TYRO3: variants seen among roughly 807,000 people sequenced by gnomAD.
The protein encoded by TYRO3 is tyrosine-protein kinase receptor TYRO3.
TYRO3 carries 38 observed loss-of-function variants against 95.2 expected under a neutral mutation model. That is an observed-to-expected ratio of 0.40 (90% CI 0.31 to 0.52). The LOEUF (loss-of-function observed/expected upper bound fraction) is 0.52, where lower values mean the gene tolerates loss of function less well. TYRO3 is among the 20% of genes least tolerant of loss of function. The probability of loss-of-function intolerance (pLI) is 0.56; values close to 1 mark genes in which losing one functional copy is unlikely to be tolerated. For missense variants in TYRO3, 812 were observed against 1,116.4 expected (o/e 0.73, Z 3.89); for synonymous variants, 367 against 432.9 (o/e 0.85, Z 1.89).
At chr15:41,560,117 G>A (rs1262933233) in intron 1 of TYRO3, among the ~76,000 whole-genome samples, 2 of 152,216 alleles carry the variant, frequency 1.3e-5, no homozygotes, top group Non-Finnish European at 2.9e-5. Context: ...AGGGAGCAGG[G>A]AAGAGCCACA....
chr15:41,570,013 C>T lies in TYRO3; in HGVS notation c.1253-14C>T, dbSNP rs763240418. ...TGTCATCCTAGCTCATGCCACTGCA[C>T]CTCCCTCCCACAGGCCAGCAGGGCC... On this transcript the variant is annotated splice_polypyrimidine_tract_variant and intron_variant, in intron 9 of 18. Transcript: ENST00000263798. 2.0e-6 allele frequency: 3 copies of T among 1,497,962 alleles called. No homozygotes were observed. Among genetic ancestry groups the T allele is most frequent in the South Asian group, 1.2e-5 (1 of 81,730 alleles). 92.8% of individuals were successfully genotyped at this position (1,497,962 alleles called of 1,614,324 possible). A position where few individuals can be genotyped will look rare whatever the true frequency, so the allele number is the denominator to read the frequency against.
chr15:41,577,773 G>A (rs1217682950), intron 18 of TYRO3, 113 bp from the exon 19 acceptor site: 61 of 1,125,342 alleles, frequency 5.4e-5, no homozygotes, highest in South Asian at 7.8e-5. Flanking sequence ...GATGCGAGCC[G>A]CTGTGCCCCA....
intron 1 of TYRO3, among the ~76,000 whole-genome samples, chr15:41,559,948 G>T (rs1165253647): frequency 6.6e-6 from 1 of 152,232 alleles, no homozygotes. Context: ...GGAGGGGTTA[G>T]TCTTGTGTTC....
intron 15 of TYRO3, 24 bp from the exon 16 acceptor site, chr15:41,572,978 G>A (rs2055816090): frequency 6.4e-6 from 6 of 938,254 alleles, no homozygotes; most frequent in Non-Finnish European, 8.1e-6. Flanking sequence ...GGTTAAGCCT[G>A]AGCTTGGCCT....
In TYRO3 at chr15:41,578,348, C is replaced by G; in HGVS notation, c.*72C>G. 1 of 1,578,086 alleles carries G rather than the reference C, an allele frequency of 6.3e-7. No individual in the cohort carries two copies. On this transcript the variant is annotated 3_prime_UTR_variant, in exon 19 of 19. Transcript: ENST00000263798. ...ACTGAGCTGGCTGACTAAGCCCCGT[C>G]TGACCCCAGCCCAGACAGCAAGGTG...
chr15:41,568,483 A>T, intron 8 of TYRO3, 121 bp downstream of exon 8: 2 of 1,002,002 alleles, frequency 2.0e-6, no homozygotes, highest in Non-Finnish European at 2.9e-6. Flanking sequence ...AGCCCCAGGG[A>T]ATCCTTTCCT....
chr15:41,570,345 G>A lies in TYRO3; in HGVS notation c.1483+5G>A. 1.0e-6 allele frequency: 1 copy of A among 979,404 alleles called. No individual in the cohort carries two copies. The highest frequency in any genetic ancestry group is 1.5e-6 in the Non-Finnish European group (1 of 649,482). The allele number at this position is 979,404 out of a possible 1,614,324, so 60.7% of individuals were successfully genotyped here. ...CCGAGCGCATCGAGGCCACATGTGA[G>A]TGGTGGGTGATCGTGGGAAGGACAA... On this transcript the variant is annotated splice_donor_5th_base_variant and intron_variant, in intron 11 of 18. Coordinates refer to ENST00000263798, the MANE Select transcript of TYRO3 (RefSeq NM_006293.4).
At chr15:41,570,763 C>G in intron 12 of TYRO3, 64 bp downstream of exon 12, 1 of 1,512,020 alleles carries the variant, frequency 6.6e-7, no homozygotes. Flanking sequence ...TTTGGTTGCC[C>G]CTGTCACTTT....
chr15:41,574,707 C>A (rs942461854), intron 18 of TYRO3: 2 of 455,326 alleles, frequency 4.4e-6, no homozygotes, highest in East Asian at 6.9e-5. Flanking sequence ...CTTCAGACAA[C>A]CTTTTGTGAG....
In TYRO3 at chr15:41,570,137, C is replaced by T. The variant is rs768075649; in HGVS notation, c.1363C>T (p.Arg455Trp). ...GGCCCTCATCCTGCTTCGAAAGAGA[C>T]GGAAAGAGACGCGGTTTGGGTAAGG... ...ALALILLRKRRKETRFGQAFD... is the reference protein window; with the variant it reads ...ALALILLRKRWKETRFGQAFD... Residue 455 changes from arginine to tryptophan, a missense_variant, in exon 10 of 19, where the codon CGG becomes TGG. By Grantham distance (101) the Arg-to-Trp change is moderately radical. Transcript: ENST00000263798. 1.6e-5 allele frequency: 26 copies of T among 1,614,050 alleles called. No homozygotes were observed. The highest frequency in any genetic ancestry group is 3.3e-5 in the Admixed American group (2 of 60,000).
chr15:41,581,711 C>G lies in TYRO3; in HGVS notation c.*3435C>G, dbSNP rs1311883497. On this transcript the variant is annotated 3_prime_UTR_variant, in exon 19 of 19. Coordinates refer to ENST00000263798, the MANE Select transcript of TYRO3 (RefSeq NM_006293.4). ...GGAGTGGTGGCAGGCACCTGTAATC[C>G]CAGCTACTTGGGAGGCTAAGGCAGG... 1 of 151,616 alleles carries G rather than the reference C, an allele frequency of 6.6e-6. No homozygotes were observed. The highest frequency in any genetic ancestry group is 1.5e-5 in the Non-Finnish European group (1 of 68,072). The allele number at this position is 151,616 out of a possible 1,614,324, so 9.4% of individuals were successfully genotyped here.
At chr15:41,569,164 TTAAAC>T in intron 9 of TYRO3, 142 bp downstream of exon 9, 5 of 1,018,742 alleles carry the variant, frequency 4.9e-6, no homozygotes, top group Non-Finnish European at 6.9e-6. Context: ...CCAGGGCTGT[TTAAAC>T]TATCTTGGCT....
rs145105506 is a variant in TYRO3, at chr15:41,567,554, G to C, written c.961+17G>C. On this transcript the variant is annotated intron_variant, in intron 7 of 18. Transcript: ENST00000263798. Reference sequence around the variant, plus strand: ...AGGGTCTAGGTAAGGGATGCATAGAGCAGAGCGGGTGGGCAGGGCTGGAGC... The same window carrying C: ...AGGGTCTAGGTAAGGGATGCATAGACCAGAGCGGGTGGGCAGGGCTGGAGC... The C allele has an allele frequency of 2.9e-4, 418 of 1,460,088 alleles. No homozygotes were observed. Among genetic ancestry groups the C allele is most frequent in the Non-Finnish European group, 3.6e-4 (402 of 1,101,580 alleles). The allele number at this position is 1,460,088 out of a possible 1,614,324, so 90.4% of individuals were successfully genotyped here.
At chr15:41,572,865 G>T in intron 15 of TYRO3, 137 bp from the exon 16 acceptor site, 1 of 774,972 alleles carries the variant, frequency 1.3e-6, no homozygotes, top group Non-Finnish European at 2.1e-6. Context: ...TCCTTGCCTT[G>T]GGAAGGCCCT....
Position 41,562,585 on chromosome 15 carries a change from A to C in TYRO3, c.447A>C (p.Ala149=), listed in dbSNP as rs200043657. 2 of 1,613,348 alleles carry C rather than the reference A, an allele frequency of 1.2e-6. No homozygotes were observed. The highest frequency in any genetic ancestry group is 3.3e-5 in the Admixed American group (2 of 60,026). ...TCACAGTGGAGCCAAAAGATCTGGC[A>C]GTGCCACCCAATGCCCCTTTCCAAC... ...PFFTVEPKDL[A]VPPNAPFQLS... The change falls in exon 4 of 19, where the codon GCA becomes GCC. Residue 149 remains alanine, a synonymous_variant. Coordinates refer to ENST00000263798, the MANE Select transcript of TYRO3 (RefSeq NM_006293.4).
At chr15:41,564,156 G>A in intron 4 of TYRO3, 28 bp from the exon 5 acceptor site, 1 of 1,562,508 alleles carries the variant, frequency 6.4e-7, no homozygotes, top group Non-Finnish European at 8.8e-7. Context: ...TGCTGCTTGG[G>A]GAGCTGACTG....
intron 12 of TYRO3, 93 bp downstream of exon 12, chr15:41,570,792 C>T (rs557264455): frequency 6.5e-4 from 831 of 1,270,502 alleles, no homozygotes; most frequent in Middle Eastern, 2.4e-3. Flanking sequence ...GGGTTTGGGT[C>T]GGTTGCCGTA....
chr15:41,577,826 A>C, intron 18 of TYRO3, 60 bp from the exon 19 acceptor site: 2 of 1,505,134 alleles, frequency 1.3e-6, no homozygotes, highest in Non-Finnish European at 1.8e-6. Flanking sequence ...CATATGATGA[A>C]GGGGCCCCTG....
Position 41,577,954 on chromosome 15 carries a change from T to C in TYRO3, c.2351T>C (p.Met784Thr). 1 of 1,613,684 alleles carries C rather than the reference T, an allele frequency of 6.2e-7. No individual in the cohort carries two copies. The highest frequency in any genetic ancestry group is 8.5e-7 in the Non-Finnish European group (1 of 1,180,040). ...CGCCCGAGCTTTACTTGTCTGCGAA[T>C]GGAACTGGAGAACATCTTGGGCCAG... ...KQRPSFTCLR[M>T]ELENILGQLS... The change falls in exon 19 of 19, where the codon ATG (methionine) becomes ACG (threonine). Residue 784 changes from methionine (M) to threonine (T), a missense_variant. Transcript: ENST00000263798.
Sources: gnomAD v4.1 joint callset for allele counts (sites outside exome capture counted in the v4.1 genomes callset) on GRCh38, gnomAD v4.1.1 for gene constraint, MANE v1.5 for transcripts, NCBI Gene and HGNC (gene_info 2026-07-23, HGNC 2026-07-21) for gene names.